SETBP1: variants seen among roughly 807,000 people sequenced by gnomAD.
The protein encoded by SETBP1 is SET binding protein 1, also known as SET-binding protein.
A neutral mutation model predicts 101.0 loss-of-function variants in SETBP1; 9 were observed. The ratio of observed to expected loss-of-function variants is 0.09; its 90% CI spans 0.05 to 0.16. SETBP1 has a LOEUF of 0.16. SETBP1 is among the 10% of genes least tolerant of loss of function. The pLI is 1.00. For synonymous variants in SETBP1, 818 were observed against 788.5 expected (o/e 1.04, Z -0.63); for missense variants, 1,858 against 2,033.8 (o/e 0.91, Z 1.66).
intron 2 of SETBP1, among the ~76,000 whole-genome samples, chr18:44,752,511 T>C (rs1230235449): frequency 6.6e-6 from 1 of 152,162 alleles, no homozygotes; most frequent in East Asian, 1.9e-4. Context: ...GTGCAGCATG[T>C]TTTTGCACTC....
chr18:44,681,800 G>T (rs563614994), intron 1 of SETBP1, among the ~76,000 whole-genome samples: 2 of 152,072 alleles, frequency 1.3e-5, no homozygotes, highest in Non-Finnish European at 2.9e-5. Flanking sequence ...ATTCGTTTCC[G>T]TTTCAAATAA....
At chr18:44,860,185 G>C (rs2068971791) in intron 2 of SETBP1, among the ~76,000 whole-genome samples, 1 of 152,204 alleles carries the variant, frequency 6.6e-6, no homozygotes, top group East Asian at 1.9e-4. Flanking sequence ...GAAGAGGAAA[G>C]CGAGGGTGGA....
intron 2 of SETBP1, among the ~76,000 whole-genome samples, chr18:44,805,257 A>G (rs1004213024): frequency 6.6e-6 from 1 of 152,114 alleles, no homozygotes; most frequent in African/African-American, 2.4e-5. Context: ...TAAAATAATA[A>G]AAGTATTCCT....
intron 4 of SETBP1, among the ~76,000 whole-genome samples, chr18:45,006,198 C>T (rs1022380638): frequency 1.3e-5 from 2 of 151,918 alleles, no homozygotes; most frequent in East Asian, 1.9e-4. Context: ...ATGATCCTCC[C>T]ACCTTGGCCT....
At chr18:45,012,660 A>G (rs2072863524) in intron 4 of SETBP1, among the ~76,000 whole-genome samples, 1 of 152,230 alleles carries the variant, frequency 6.6e-6, no homozygotes, top group African/African-American at 2.4e-5. Context: ...ATGCACACAT[A>G]CAATGGAATA....
intron 5 of SETBP1, among the ~76,000 whole-genome samples, chr18:45,057,345 A>T (rs2145574261): frequency 6.6e-6 from 1 of 152,202 alleles, no homozygotes; most frequent in Admixed American, 6.5e-5. Context: ...ATAAGAGACC[A>T]TTACCAAGGC....
intron 3 of SETBP1, among the ~76,000 whole-genome samples, chr18:44,948,904 A>C (rs544184915): frequency 1.3e-5 from 2 of 152,348 alleles, no homozygotes; most frequent in South Asian, 4.1e-4. Context: ...GTCCTGAGAA[A>C]GATTCTGGAG....
At chr18:45,043,192 A>G (rs2073542851) in intron 5 of SETBP1, among the ~76,000 whole-genome samples, 1 of 152,228 alleles carries the variant, frequency 6.6e-6, no homozygotes, top group Admixed American at 6.5e-5. Context: ...TTCATTTCAG[A>G]AACATGTTTT....
chr18:44,852,218 C>T (rs1228962453), intron 2 of SETBP1, among the ~76,000 whole-genome samples: 1 of 152,322 alleles, frequency 6.6e-6, no homozygotes, highest in African/African-American at 2.4e-5. Context: ...CCTTCAGGGG[C>T]TCCTCTGAGT....
intron 5 of SETBP1, among the ~76,000 whole-genome samples, chr18:45,047,280 A>G (rs1415597343): frequency 6.6e-6 from 1 of 152,204 alleles, no homozygotes; most frequent in Non-Finnish European, 1.5e-5. Context: ...AGCGATTTCT[A>G]TTAAGATACT....
intron 2 of SETBP1, among the ~76,000 whole-genome samples, chr18:44,784,811 C>A (rs1327214022): frequency 1.3e-5 from 2 of 152,124 alleles, no homozygotes; most frequent in Non-Finnish European, 2.9e-5. Context: ...GAACTAGGGC[C>A]AGAGTTCAGT....
chr18:44,951,233 G>A lies in SETBP1; in HGVS notation c.1893G>A (p.Lys631=), dbSNP rs780390610. The change falls in exon 4 of 6, where the codon AAG becomes AAA. Residue 631 remains lysine (K), a synonymous_variant. Transcript: ENST00000649279. The surrounding 1 kb of genome is among the most constrained non-coding windows in gnomAD (Gnocchi z 7.8). ...KKRKRRRNLA[K]LAQLVPGEDK... is the part of the protein sequence containing the mutation. ...GAAAGCGACGACGCAATTTAGCGAA[G>A]TTGGCCCAGCTAGTGCCGGGAGAGG... The A allele has an allele frequency of 5.6e-6, 9 of 1,614,126 alleles. No individual in the cohort carries two copies. The highest frequency in any genetic ancestry group is 7.6e-6 in the Non-Finnish European group (9 of 1,180,042).
At chr18:44,796,742 G>T (rs2071485171) in intron 2 of SETBP1, among the ~76,000 whole-genome samples, 1 of 152,130 alleles carries the variant, frequency 6.6e-6, no homozygotes, top group Admixed American at 6.5e-5. Context: ...TGTCTAAACA[G>T]CTCCTATTCC....
chr18:44,981,906 C>T (rs190545662), intron 4 of SETBP1, among the ~76,000 whole-genome samples: 44 of 152,256 alleles, frequency 2.9e-4, no homozygotes, highest in Middle Eastern at 6.8e-3. Context: ...AGGGTATTAA[C>T]GTTTGCAGTT....
At chr18:45,032,325 C>G (rs2073313757) in intron 4 of SETBP1, among the ~76,000 whole-genome samples, 1 of 152,138 alleles carries the variant, frequency 6.6e-6, no homozygotes, top group Non-Finnish European at 1.5e-5. Context: ...TCTTACCCCC[C>G]TCTCCACTTC....
chr18:44,912,688 A>C (rs2070340622), intron 3 of SETBP1, among the ~76,000 whole-genome samples: 1 of 152,088 alleles, frequency 6.6e-6, no homozygotes, highest in Non-Finnish European at 1.5e-5. Context: ...AAGTGCTGGG[A>C]TTACAGGCGT....
intron 2 of SETBP1, among the ~76,000 whole-genome samples, chr18:44,742,972 C>T (rs1403931799): frequency 8.7e-6 from 1 of 115,340 alleles, no homozygotes; most frequent in Non-Finnish European, 2.0e-5. Context: ...TCTCTCTCTC[C>T]CCCCCTGTCC....
intron 2 of SETBP1, among the ~76,000 whole-genome samples, chr18:44,858,178 T>A (rs1293007669): frequency 6.6e-6 from 1 of 152,246 alleles, no homozygotes; most frequent in South Asian, 2.1e-4. Flanking sequence ...TTTGTTTGCC[T>A]AATGCACTGA....
At chr18:44,734,430 A>G (rs149380483) in intron 2 of SETBP1, among the ~76,000 whole-genome samples, 9 of 152,256 alleles carry the variant, frequency 5.9e-5, no homozygotes, top group Admixed American at 1.3e-4. Flanking sequence ...TGTTAATACC[A>G]TTGTTCTTGC....
Sources: allele counts gnomAD v4.1 joint callset (sites outside exome capture counted in the v4.1 genomes callset), GRCh38; gene constraint gnomAD v4.1.1; non-coding constraint Gnocchi (gnomAD v3.1); transcripts MANE v1.5; gene names NCBI Gene and HGNC (gene_info 2026-07-23, HGNC 2026-07-21).